USP34: variants seen among roughly 807,000 people sequenced by gnomAD.
USP34 encodes the protein ubiquitin carboxyl-terminal hydrolase 34.
USP34 carries 70 observed loss-of-function variants against 460.3 expected under a neutral mutation model. The ratio of observed to expected loss-of-function variants is 0.15; its 90% CI spans 0.13 to 0.19. The LOEUF is 0.19. Ranked by LOEUF, USP34 falls within the 10% of genes least tolerant of loss-of-function variation. The pLI, the probability that USP34 is intolerant of heterozygous loss-of-function variation, is 1.00. For missense variants in USP34, 3,985 were observed against 4,236.2 expected (o/e 0.94, Z 1.65); for synonymous variants, 1,647 against 1,405.3 (o/e 1.17, Z -3.85).
Position 61,188,183 on chromosome 2 carries a change from T to C in USP34, c.10560A>G (p.Leu3520=). ...ATTCAATGGTCCTACACAGGGTATC[T>C]AAAATGTCATGTTGCTGCATATGAC... ...LFSHMQQHDI[L]DTLCRTIEST... Residue 3520 remains leucine, a synonymous_variant, in exon 80 of 80, where the codon TTA becomes TTG. Coordinates refer to ENST00000398571, the MANE Select transcript of USP34 (RefSeq NM_014709.4). 5.0e-6 allele frequency: 8 copies of C among 1,614,146 alleles called. No individual in the cohort carries two copies. Among genetic ancestry groups the C allele is most frequent in the Non-Finnish European group, 5.9e-6 (7 of 1,180,030 alleles).
rs1179596652 is a variant in USP34, at chr2:61,417,232, T to C, written c.131+3514A>G. The C allele has an allele frequency of 1.9e-5, 27 of 1,434,836 alleles. 1 individual carries two copies. The highest frequency in any genetic ancestry group is 2.8e-5 in the African/African-American group (2 of 71,464). 88.9% of individuals were successfully genotyped at this position (1,434,836 alleles called of 1,614,324 possible). ...TAGTGCAAGGTCAGAAACACGAACA[T>C]ACATCTGAAAGGCCTGTCTCCAAGG... On this transcript the variant is annotated intron_variant, in intron 2 of 79. Transcript: ENST00000398571.
chr2:61,237,554 A>ATTTTTTTTTTT (rs71403400), intron 53 of USP34, among the ~76,000 whole-genome samples: 1 of 45,126 alleles, frequency 2.2e-5, no homozygotes, highest in African/African-American at 9.0e-5. Flanking sequence ...TTTTCTGTGG[A>ATTTTTTTTTTT]TTTTTTTTTT....
rs1411752537 is a variant in USP34, at chr2:61,257,043, AAT to A, written c.6048+7_6048+8del. 6.5e-7 allele frequency: 1 copy of A among 1,548,240 alleles called. No individual in the cohort carries two copies. Among genetic ancestry groups the A allele is most frequent in the East Asian group, 2.3e-5 (1 of 44,222 alleles). ...TCTCCAAAAAGTAAAAACCAGGTAT[AAT>A]ACTTACCAAGGATACAACATTGTTT... On this transcript the variant is annotated splice_region_variant and intron_variant, in intron 46 of 79. Coordinates refer to ENST00000398571, the MANE Select transcript of USP34 (RefSeq NM_014709.4).
intron 53 of USP34, among the ~76,000 whole-genome samples, chr2:61,239,440 G>T (rs1397318172): frequency 1.3e-5 from 2 of 151,788 alleles, no homozygotes; most frequent in African/African-American, 4.8e-5. Context: ...TCACAAGTGG[G>T]CTAATTGTCA....
intron 10 of USP34, among the ~76,000 whole-genome samples, chr2:61,364,765 T>C (rs191073780): frequency 1.3e-5 from 2 of 151,424 alleles, no homozygotes; most frequent in East Asian, 3.9e-4. Context: ...CTCGTCACTA[T>C]TAAAAATACA....
intron 67 of USP34, 30 bp downstream of exon 67, chr2:61,220,280 G>A (rs1249632200): frequency 1.9e-6 from 3 of 1,572,086 alleles, no homozygotes; most frequent in Non-Finnish European, 2.6e-6. Flanking sequence ...ATAAATAAAT[G>A]GTTTATGAAA....
At chr2:61,305,520 G>A (rs540327265) in intron 27 of USP34, among the ~76,000 whole-genome samples, 2 of 151,990 alleles carry the variant, frequency 1.3e-5, no homozygotes, top group South Asian at 4.1e-4. Flanking sequence ...GAAAGAAAAG[G>A]AACAGTGCCT....
chr2:61,196,069 A>ACTT (rs1686795624), intron 75 of USP34, among the ~76,000 whole-genome samples: 1 of 41,576 alleles, frequency 2.4e-5, no homozygotes. Flanking sequence ...ACCATGCACG[A>ACTT]TTTTTTTTTT....
At chr2:61,363,419 A>C (rs1160609512) in intron 10 of USP34, among the ~76,000 whole-genome samples, 1 of 152,238 alleles carries the variant, frequency 6.6e-6, no homozygotes, top group Non-Finnish European at 1.5e-5. Flanking sequence ...TCTTGTGAAC[A>C]TCAGAGCATA....
intron 2 of USP34, chr2:61,416,977 A>T (rs541862103): frequency 6.9e-6 from 9 of 1,303,992 alleles, no homozygotes; most frequent in Middle Eastern, 4.0e-4. Context: ...CTCAGCCACC[A>T]TATCTTCAAA....
rs756080718 is a variant in USP34 at position 61,257,279 on chromosome 2, A to G, written c.5916T>C (p.Asn1972=). 3.7e-6 allele frequency: 6 copies of G among 1,613,210 alleles called. No individual in the cohort carries two copies. The highest frequency in any genetic ancestry group is 5.1e-6 in the Non-Finnish European group (6 of 1,179,596). Reference sequence around the variant, plus strand: ...CTGTCATATCTTTCTGTTCCCCAGTATTCAGAGGCTGCTTATCCATGGTGT... The same window carrying G: ...CTGTCATATCTTTCTGTTCCCCAGTGTTCAGAGGCTGCTTATCCATGGTGT... ...KTYTMDKQPL[N]TGEQKDMTEF... is the part of the protein sequence containing the mutation. The change falls in exon 45 of 80, where the codon AAT becomes AAC. Residue 1972 remains asparagine (N), a synonymous_variant. Transcript: ENST00000398571.
Position 61,288,749 on chromosome 2 carries a change from T to G in USP34, c.4677A>C (p.Arg1559Ser). ...WSGIAESHRKRTWPGKSRKAA... is the reference protein window; with the variant it reads ...WSGIAESHRKSTWPGKSRKAA... Reference sequence around the variant, plus strand: ...CCTTCCTTGATTTGCCAGGCCAGGTTCTTTTCCTATGGCTTTCCGCTATAC... The same window carrying G: ...CCTTCCTTGATTTGCCAGGCCAGGTGCTTTTCCTATGGCTTTCCGCTATAC... The change falls in exon 34 of 80, where the codon AGA becomes AGC. Residue 1559 changes from arginine (R) to serine (S), a missense_variant. By Grantham distance (110) the Arg-to-Ser change is moderately radical. Transcript: ENST00000398571. The G allele has an allele frequency of 6.2e-7, 1 of 1,614,106 alleles. No individual in the cohort carries two copies. The highest frequency in any genetic ancestry group is 8.5e-7 in the Non-Finnish European group (1 of 1,179,968).
At chr2:61,433,409 G>A (rs553551160) in intron 1 of USP34, among the ~76,000 whole-genome samples, 31 of 152,228 alleles carry the variant, frequency 2.0e-4, no homozygotes, top group Non-Finnish European at 3.4e-4. Flanking sequence ...TGAGGCAGGC[G>A]GATCACTTGA....
intron 74 of USP34, among the ~76,000 whole-genome samples, chr2:61,203,807 A>G: frequency 6.6e-6 from 1 of 152,120 alleles, no homozygotes; most frequent in East Asian, 1.9e-4. Flanking sequence ...ATTATTTTAG[A>G]ATATGAGTTA....
At chr2:61,356,293 G>C (rs1366840696) in intron 10 of USP34, among the ~76,000 whole-genome samples, 1 of 151,972 alleles carries the variant, frequency 6.6e-6, no homozygotes, top group Admixed American at 6.6e-5. Flanking sequence ...ATCAAGACTA[G>C]CCAGGTCAAC....
intron 5 of USP34, among the ~76,000 whole-genome samples, chr2:61,384,452 T>C (rs1365048798): frequency 6.6e-6 from 1 of 151,970 alleles, no homozygotes; most frequent in African/African-American, 2.4e-5. Flanking sequence ...GGTGGATCAC[T>C]TGAGGTCAGG....
At chr2:61,321,612 A>G (rs778919392) in intron 21 of USP34, among the ~76,000 whole-genome samples, 5 of 152,250 alleles carry the variant, frequency 3.3e-5, no homozygotes, top group Non-Finnish European at 5.9e-5. Flanking sequence ...CACAAAGGAG[A>G]TATCTTACAG....
At chr2:61,375,487 A>T (rs1317063210) in intron 8 of USP34, among the ~76,000 whole-genome samples, 1 of 152,208 alleles carries the variant, frequency 6.6e-6, no homozygotes. Flanking sequence ...AAGTAGAAAC[A>T]GGCGGGGCGC....
At chr2:61,424,579 T>TA (rs1694455495) in intron 1 of USP34, among the ~76,000 whole-genome samples, 1 of 152,090 alleles carries the variant, frequency 6.6e-6, no homozygotes, top group Non-Finnish European at 1.5e-5. Context: ...ACTATATACA[T>TA]AAAAAATGAT....
Sources: allele counts gnomAD v4.1 joint callset (sites outside exome capture counted in the v4.1 genomes callset), GRCh38; gene constraint gnomAD v4.1.1; transcripts MANE v1.5; gene names NCBI Gene and HGNC (gene_info 2026-07-23, HGNC 2026-07-21).